The following THSD7B variants were observed in gnomAD, a reference collection of about 807,000 sequenced individuals.
THSD7B encodes thrombospondin type-1 domain-containing protein 7B.
Under a neutral mutation model 213.6 loss-of-function variants are expected in THSD7B, and 138 were observed. The ratio of observed to expected loss-of-function variants is 0.65; its 90% CI spans 0.56 to 0.74. The LOEUF is 0.74. Ranked by LOEUF, THSD7B falls within the 30% of genes least tolerant of loss-of-function variation. The probability of loss-of-function intolerance (pLI) is 0.00; values close to 1 mark genes in which losing one functional copy is unlikely to be tolerated. For synonymous variants in THSD7B, 742 were observed against 687.0 expected (o/e 1.08, Z -1.25); for missense variants, 1,931 against 1,991.5 (o/e 0.97, Z 0.58).
intron 12 of THSD7B, among the ~76,000 whole-genome samples, chr2:137,339,976 G>A (rs1395077619): frequency 6.6e-6 from 1 of 151,264 alleles, no homozygotes; most frequent in Admixed American, 6.6e-5. Context: ...AGTTTTGTCT[G>A]GTGCGAAGGT....
At chr2:137,090,633 CA>C (rs1201363109) in intron 3 of THSD7B, among the ~76,000 whole-genome samples, 2 of 152,030 alleles carry the variant, frequency 1.3e-5, no homozygotes, top group East Asian at 3.9e-4. Context: ...ATACATGTGA[CA>C]GGGGTCAAAT....
intron 10 of THSD7B, among the ~76,000 whole-genome samples, chr2:137,258,883 T>G (rs1459613441): frequency 6.6e-6 from 1 of 151,666 alleles, no homozygotes; most frequent in Non-Finnish European, 1.5e-5. Flanking sequence ...CCCTCCCCTG[T>G]GTCCATGTGT....
intron 15 of THSD7B, among the ~76,000 whole-genome samples, chr2:137,508,554 T>C (rs1358550519): frequency 6.6e-6 from 1 of 150,402 alleles, no homozygotes; most frequent in Non-Finnish European, 1.5e-5. Flanking sequence ...TTTTTTTTTT[T>C]TTTTTTGTAT....
At position 137,156,704 on chromosome 2, in the gene THSD7B, C is replaced by T. The variant is rs945878862; in HGVS notation, c.1370-3509C>T. ...GTCCTTGACAAACGCAGCTTCAGAACGTATTTCCCAGGCTTTTTACAGCTG... is the reference window on the plus strand; with the variant it reads ...GTCCTTGACAAACGCAGCTTCAGAATGTATTTCCCAGGCTTTTTACAGCTG... On this transcript the variant is annotated intron_variant, in intron 5 of 27. Coordinates refer to ENST00000409968, the MANE Select transcript of THSD7B (RefSeq NM_001316349.2). Among the ~76,000 whole-genome samples, 6 of 152,258 alleles carry T rather than the reference C, an allele frequency of 3.9e-5. No homozygotes were observed. The South Asian group carries it at 6.2e-4, about 16-fold the overall frequency.
At chr2:137,156,560 T>G (rs1679912621) in intron 5 of THSD7B, among the ~76,000 whole-genome samples, 1 of 152,176 alleles carries the variant, frequency 6.6e-6, no homozygotes, top group Admixed American at 6.5e-5. Flanking sequence ...AACAGTCAAC[T>G]AATTGACAGT....
intron 27 of THSD7B, 52 bp downstream of exon 27, chr2:137,667,913 G>A (rs1298369066): frequency 7.0e-7 from 1 of 1,426,810 alleles, no homozygotes; most frequent in African/African-American, 1.4e-5. Context: ...TGGATTTCAT[G>A]TTATACTTAA....
At chr2:137,151,349 A>T (rs757675847) in intron 5 of THSD7B, among the ~76,000 whole-genome samples, 1 of 151,980 alleles carries the variant, frequency 6.6e-6, no homozygotes, top group African/African-American at 2.4e-5. Flanking sequence ...CTTCTTTGTT[A>T]AAAACTAAGA....
chr2:137,505,684 T>C (rs1157095280), intron 15 of THSD7B, among the ~76,000 whole-genome samples: 2 of 152,132 alleles, frequency 1.3e-5, no homozygotes, highest in Non-Finnish European at 2.9e-5. Flanking sequence ...ACTAGAGGTA[T>C]ATATAGCAAG....
intron 7 of THSD7B, among the ~76,000 whole-genome samples, chr2:137,229,350 G>T (rs1222825779): frequency 2.0e-5 from 3 of 150,138 alleles, no homozygotes; most frequent in East Asian, 2.0e-4. Context: ...TGCTGTATTG[G>T]GTGTGTGTGT....
intron 3 of THSD7B, among the ~76,000 whole-genome samples, chr2:137,068,143 G>C (rs1244286163): frequency 6.6e-6 from 1 of 151,982 alleles, no homozygotes; most frequent in African/African-American, 2.4e-5. Flanking sequence ...TTCTCTGATG[G>C]ATTTAAGAAG....
intron 2 of THSD7B, among the ~76,000 whole-genome samples, chr2:136,892,365 A>T (rs1417607227): frequency 6.6e-6 from 1 of 152,190 alleles, no homozygotes; most frequent in East Asian, 1.9e-4. Context: ...ACTCCTAGCC[A>T]CAAGGGAAGG....
chr2:136,877,985 T>A (rs1309634410), intron 1 of THSD7B, among the ~76,000 whole-genome samples: 1 of 152,120 alleles, frequency 6.6e-6, no homozygotes, highest in South Asian at 2.1e-4. Flanking sequence ...GTTTGTTACA[T>A]ATGTATACAT....
At chr2:137,351,050 GATCAAGCCTGGTAATCATTCAC>G (rs1283888385) in intron 12 of THSD7B, among the ~76,000 whole-genome samples, 1 of 151,816 alleles carries the variant, frequency 6.6e-6, no homozygotes, top group Admixed American at 6.6e-5. Flanking sequence ...TCAGGCTTCA[GATCAAGCCTGGTAATCATTCAC>G]ATCACCATTG....
chr2:137,454,688 T>C (rs1297101434), intron 15 of THSD7B, among the ~76,000 whole-genome samples: 1 of 152,176 alleles, frequency 6.6e-6, no homozygotes, highest in African/African-American at 2.4e-5. Flanking sequence ...CTATTATTTA[T>C]GGCAATTCTT....
chr2:137,481,282 T>C (rs568109992), intron 15 of THSD7B, among the ~76,000 whole-genome samples: 37 of 152,362 alleles, frequency 2.4e-4, no homozygotes, highest in Admixed American at 2.1e-3. Context: ...TAGTTACATG[T>C]CAAAACACTG....
chr2:137,160,133 C>A, intron 5 of THSD7B, 80 bp from the exon 6 acceptor site: 2 of 1,427,780 alleles, frequency 1.4e-6, no homozygotes, highest in Non-Finnish European at 1.9e-6. Flanking sequence ...ATTTGCAAGA[C>A]AGGCATGCAA....
chr2:137,330,584 C>T (rs879346625), intron 12 of THSD7B, among the ~76,000 whole-genome samples: 3 of 151,848 alleles, frequency 2.0e-5, no homozygotes, highest in East Asian at 1.9e-4. Flanking sequence ...TGCAGACCTT[C>T]GCAGTGAGTG....
intron 12 of THSD7B, among the ~76,000 whole-genome samples, chr2:137,313,452 C>G (rs1019317973): frequency 2.0e-5 from 3 of 151,616 alleles, no homozygotes; most frequent in African/African-American, 4.9e-5. Flanking sequence ...GGTCTTGACT[C>G]TTTATCCAAT....
intron 12 of THSD7B, among the ~76,000 whole-genome samples, chr2:137,400,651 A>G (rs1037434599): frequency 7.9e-5 from 12 of 152,150 alleles, no homozygotes; most frequent in South Asian, 2.1e-4. Context: ...TATCACTGTG[A>G]TTTTTGTGTT....
Sources: gnomAD v4.1 joint callset for allele counts (sites outside exome capture counted in the v4.1 genomes callset) on GRCh38, gnomAD v4.1.1 for gene constraint, MANE v1.5 for transcripts, NCBI Gene and HGNC (gene_info 2026-07-23, HGNC 2026-07-21) for gene names.